The following BRINP2 variants were observed in gnomAD, a reference collection of about 807,000 sequenced individuals.
The protein encoded by BRINP2 is BMP/retinoic acid inducible neural specific 2.
A neutral mutation model predicts 69.2 loss-of-function variants in BRINP2; 21 were observed. The observed-to-expected ratio is 0.30, with a 90% confidence interval of 0.22 to 0.44. BRINP2 has a LOEUF of 0.44. BRINP2 is among the 20% of genes least tolerant of loss of function. BRINP2 has a pLI of 1.00. For missense variants in BRINP2, 877 were observed against 986.0 expected, an observed-to-expected ratio of 0.89 and a Z score of 1.48; for synonymous variants, 380 against 394.1, an observed-to-expected ratio of 0.96 and a Z score of 0.42.
intron 1 of BRINP2, among the ~76,000 whole-genome samples, chr1:177,196,894 G>GA (rs976297628): frequency 1.3e-5 from 2 of 152,016 alleles, no homozygotes; most frequent in Non-Finnish European, 2.9e-5. Context: ...CTGAAAAGAA[G>GA]AAAAAAATCC....
intron 1 of BRINP2, among the ~76,000 whole-genome samples, chr1:177,216,759 T>A (rs1483384676): frequency 6.6e-6 from 1 of 151,278 alleles, no homozygotes. Context: ...ATTTTCTGAG[T>A]GAAGTATTCT....
intron 1 of BRINP2, among the ~76,000 whole-genome samples, chr1:177,210,135 G>A (rs1346947260): frequency 6.6e-6 from 1 of 152,140 alleles, no homozygotes; most frequent in Non-Finnish European, 1.5e-5. Flanking sequence ...ATTTGTGATG[G>A]CAATATCTTC....
At position 177,241,034 on chromosome 1, in the gene BRINP2, C is replaced by T. The variant is rs561006735; in HGVS notation, c.269+10889C>T. Among the ~76,000 whole-genome samples, 32 of 151,600 alleles carry T rather than the reference C, an allele frequency of 2.1e-4. No homozygotes were observed. The South Asian group carries it at 4.0e-3, about 19-fold the overall frequency. On this transcript the variant is annotated intron_variant, in intron 2 of 7. Coordinates refer to ENST00000361539, the MANE Select transcript of BRINP2 (RefSeq NM_021165.4). ...TCACCCAGGCTGGAGTACAGTGGTG[C>T]GATCTCAGCTCACTGTAAACTCCGC... is the stretch of plus-strand genomic sequence containing the variant.
At chr1:177,269,696 A>T (rs879743965) in intron 4 of BRINP2, among the ~76,000 whole-genome samples, 1 of 152,136 alleles carries the variant, frequency 6.6e-6, no homozygotes, top group Non-Finnish European at 1.5e-5. Context: ...CTTAGTTTGC[A>T]GGTGTCCCCT....
chr1:177,256,270 T>A, intron 3 of BRINP2, 161 bp downstream of exon 3: 6 of 975,412 alleles, frequency 6.2e-6, no homozygotes, highest in Non-Finnish European at 7.3e-6. Context: ...TCTTGACATC[T>A]CAATTTACCC....
At chr1:177,279,952 C>T (rs1651638842) in intron 7 of BRINP2, among the ~76,000 whole-genome samples, 1 of 151,828 alleles carries the variant, frequency 6.6e-6, no homozygotes, top group African/African-American at 2.4e-5. Context: ...GAGAATCAGC[C>T]ATATAAAATT....
intron 3 of BRINP2, chr1:177,256,603 C>A (rs1223156541): frequency 1.0e-6 from 1 of 985,390 alleles, no homozygotes; most frequent in Non-Finnish European, 1.2e-6. Context: ...TAGGGTGGAG[C>A]AATGTGGGCT....
rs138259637 is a variant in BRINP2 at position 177,199,417 on chromosome 1, A to G, written c.-77+27685A>G. 5.1e-3 allele frequency among the ~76,000 whole-genome samples: 771 copies of G among 152,302 alleles called. 9 individuals are homozygous for G. The highest frequency in any genetic ancestry group is 0.018 in the African/African-American group (739 of 41,566). ...CAGTTCCTTCTGAGGCCCAAGTCAC[A>G]GAGATGAAAGGAGAATGGAGAGGCC... On this transcript the variant is annotated intron_variant, in intron 1 of 7. Coordinates refer to ENST00000361539, the MANE Select transcript of BRINP2 (RefSeq NM_021165.4).
At chr1:177,270,661 T>G (rs979535410) in intron 4 of BRINP2, among the ~76,000 whole-genome samples, 1 of 152,116 alleles carries the variant, frequency 6.6e-6, no homozygotes, top group African/African-American at 2.4e-5. Flanking sequence ...TGGACCTGGT[T>G]GGTGAGTGAC....
At position 177,193,278 on chromosome 1, in the gene BRINP2, C is replaced by A. The variant is rs2102298113; in HGVS notation, c.-77+21546C>A. 2.6e-5 allele frequency among the ~76,000 whole-genome samples: 4 copies of A among 152,300 alleles called. No individual in the cohort carries two copies. In the Middle Eastern group the frequency reaches 0.014, roughly 522 times the overall value. ...AATCAAAATTTCCCAATAGCACTGT[C>A]ATGTTTCCAAACAGTTTTGATCAGC... On this transcript the variant is annotated intron_variant, in intron 1 of 7. Coordinates refer to ENST00000361539, the MANE Select transcript of BRINP2 (RefSeq NM_021165.4).
chr1:177,202,021 G>A (rs904164109), intron 1 of BRINP2, among the ~76,000 whole-genome samples: 4 of 152,156 alleles, frequency 2.6e-5, no homozygotes, highest in African/African-American at 9.7e-5. Context: ...ATGGTAGTTT[G>A]TATTTCTGTG....
intron 1 of BRINP2, among the ~76,000 whole-genome samples, chr1:177,225,870 G>A (rs935734385): frequency 1.3e-4 from 20 of 152,310 alleles, no homozygotes; most frequent in African/African-American, 4.3e-4. Context: ...TCAGTGAAGC[G>A]GAAACCATAT....
chr1:177,192,226 TA>T (rs1648616041), intron 1 of BRINP2, among the ~76,000 whole-genome samples: 1 of 152,162 alleles, frequency 6.6e-6, no homozygotes, highest in Admixed American at 6.5e-5. Flanking sequence ...ATCAATCTCC[TA>T]AAGTTAAGAG....
At chr1:177,206,852 CATCT>C (rs1486391414) in intron 1 of BRINP2, among the ~76,000 whole-genome samples, 1 of 152,082 alleles carries the variant, frequency 6.6e-6, no homozygotes, top group Non-Finnish European at 1.5e-5. Flanking sequence ...AAAGTTAGTC[CATCT>C]ATCTAAGACA....
At chr1:177,234,826 G>C (rs111638338) in intron 2 of BRINP2, among the ~76,000 whole-genome samples, 2 of 152,132 alleles carry the variant, frequency 1.3e-5, no homozygotes, top group Admixed American at 6.5e-5. Flanking sequence ...GACTAAAAGG[G>C]ACATCATAGT....
chr1:177,184,454 C>T (rs1483588170), intron 1 of BRINP2, among the ~76,000 whole-genome samples: 1 of 152,154 alleles, frequency 6.6e-6, no homozygotes, highest in Non-Finnish European at 1.5e-5. Context: ...TCATTCATGA[C>T]TGAGCCATCT....
intron 2 of BRINP2, among the ~76,000 whole-genome samples, chr1:177,243,390 C>T (rs114033749): frequency 0.018 from 2,811 of 152,152 alleles, 80 homozygotes; most frequent in African/African-American, 0.065. Context: ...CTGTAGAGCA[C>T]GACTCACACA....
chr1:177,257,263 G>A lies in BRINP2; in HGVS notation c.548G>A (p.Ser183Asn). The A allele has an allele frequency of 6.2e-7, 1 of 1,614,162 alleles. No homozygotes were observed. The highest frequency in any genetic ancestry group is 1.1e-5 in the South Asian group (1 of 91,090). ...GGAGGTGCCTCTATAATCGGGGGCA[G>A]TGGGAACAGCACAGCTGTGTCCCTG... ...TTGGASIIGG[S>N]GNSTAVSLET... is the part of the protein sequence containing the mutation. Residue 183 changes from serine (S) to asparagine (N), a missense_variant, in exon 4 of 8, where the codon AGT becomes AAT. Around this residue, in one of 3 missense-constraint regions of BRINP2, gnomAD observed 566 missense variants for 625.2 expected, o/e 0.91. Coordinates refer to ENST00000361539, the MANE Select transcript of BRINP2 (RefSeq NM_021165.4).
At chr1:177,274,108 T>C (rs1372221025) in intron 5 of BRINP2, among the ~76,000 whole-genome samples, 1 of 152,202 alleles carries the variant, frequency 6.6e-6, no homozygotes, top group Non-Finnish European at 1.5e-5. Flanking sequence ...TTGTCTGTGA[T>C]CTTGCACATG....
Sources: allele counts gnomAD v4.1 joint callset (sites outside exome capture counted in the v4.1 genomes callset), GRCh38; gene constraint gnomAD v4.1.1; regional missense constraint gnomAD v4.1.1; transcripts MANE v1.5; gene names NCBI Gene and HGNC (gene_info 2026-07-23, HGNC 2026-07-21).